PIBF1: variants seen among roughly 807,000 people sequenced by gnomAD.
PIBF1 encodes the protein progesterone-induced-blocking factor 1.
Under a neutral mutation model 112.5 loss-of-function variants are expected in PIBF1, and 90 were observed. The ratio of observed to expected loss-of-function variants is 0.80; its 90% CI spans 0.67 to 0.95. The LOEUF (loss-of-function observed/expected upper bound fraction) is 0.95, where lower values mean the gene tolerates loss of function less well. PIBF1 is among the 40% of genes least tolerant of loss of function. The probability of loss-of-function intolerance (pLI) is 0.00; values close to 1 mark genes in which losing one functional copy is unlikely to be tolerated. For missense variants in PIBF1, 915 were observed against 852.3 expected (o/e 1.07, Z -0.92); for synonymous variants, 301 against 288.6 (o/e 1.04, Z -0.44).
At chr13:72,786,559 T>C (rs924189978) in intron 2 of PIBF1, among the ~76,000 whole-genome samples, 5 of 152,332 alleles carry the variant, frequency 3.3e-5, no homozygotes, top group African/African-American at 9.6e-5. Context: ...CCAACTCTTA[T>C]GTAATTCTTT....
Position 72,949,300 on chromosome 13 carries a change from C to CTTTTTTTTTTTTTTTTTTTTTTTTTTT in PIBF1, c.1834-15967_1834-15941dup, listed in dbSNP as rs71099771. Among the ~76,000 whole-genome samples, 4 of 54,980 alleles carry CTTTTTTTTTTTTTTTTTTTTTTTTTTT rather than the reference C, an allele frequency of 7.3e-5. 1 individual carries two copies. The highest frequency in any genetic ancestry group is 1.4e-4 in the African/African-American group (2 of 13,996). 36.1% of individuals were successfully genotyped at this position (54,980 alleles called of 152,430 possible). A position where few individuals can be genotyped will look rare whatever the true frequency, so the allele number is the denominator to read the frequency against. On this transcript the variant is annotated intron_variant, in intron 14 of 17. Coordinates refer to ENST00000326291, the MANE Select transcript of PIBF1 (RefSeq NM_006346.4). ...AACTACTACCTAGACAAATAGCTGT[C>CTTTTTTTTTTTTTTTTTTTTTTTTTTT]TTTTTTTTTTTTTTTTTTTTTTTTT...
At chr13:72,956,820 T>G (rs2042458728) in intron 14 of PIBF1, among the ~76,000 whole-genome samples, 2 of 151,986 alleles carry the variant, frequency 1.3e-5, no homozygotes. Context: ...AAATTCTAGC[T>G]GGAAGAAAAA....
intron 5 of PIBF1, among the ~76,000 whole-genome samples, chr13:72,807,891 C>A (rs79993600): frequency 0.11 from 16,785 of 152,186 alleles, 1,258 homozygotes; most frequent in Non-Finnish European, 0.17. Flanking sequence ...CAGTAAATTT[C>A]TGCCATTAAC....
At position 73,012,590 on chromosome 13, in the gene PIBF1, AAAAC is replaced by A. The variant is rs1357905569; in HGVS notation, c.2224-3275_2224-3272del. 2.0e-5 allele frequency among the ~76,000 whole-genome samples: 3 copies of A among 151,738 alleles called. No individual in the cohort carries two copies. In the East Asian group the frequency reaches 5.8e-4, roughly 30 times the overall value. On this transcript the variant is annotated intron_variant, in intron 17 of 17. Transcript: ENST00000326291. The stretch of plus-strand genomic sequence containing the variant: ...ACACACACACCAAAAAAAACAAAAA[AAAAC>A]AAAAAAAACACTTAGCCAGGCACTG...
At chr13:73,000,863 G>C (rs1250748450) in intron 17 of PIBF1, among the ~76,000 whole-genome samples, 1 of 152,170 alleles carries the variant, frequency 6.6e-6, no homozygotes, top group Non-Finnish European at 1.5e-5. Flanking sequence ...GTTATGCAGT[G>C]ATGATAAAAT....
Position 72,967,770 on chromosome 13 carries a change from A to T in PIBF1, c.1964+2366A>T, listed in dbSNP as rs959469685. Among the ~76,000 whole-genome samples, 22 of 152,184 alleles carry T rather than the reference A, an allele frequency of 1.4e-4. 1 individual carries two copies. The highest frequency in any genetic ancestry group is 7.2e-4 in the Admixed American group (11 of 15,268). ...GAAATATTCTATAATAAAATTTTTT[A>T]AAAAACAGATTTTAAAAGGAAGTTT... is the stretch of plus-strand genomic sequence containing the variant. On this transcript the variant is annotated intron_variant, in intron 15 of 17. Transcript: ENST00000326291.
At chr13:73,001,079 A>G (rs1417386393) in intron 17 of PIBF1, among the ~76,000 whole-genome samples, 1 of 152,208 alleles carries the variant, frequency 6.6e-6, no homozygotes, top group African/African-American at 2.4e-5. Context: ...CTAATGCAGA[A>G]TTAGTAAGGT....
chr13:72,825,363 A>G (rs1022085288), intron 6 of PIBF1, among the ~76,000 whole-genome samples: 7 of 152,246 alleles, frequency 4.6e-5, no homozygotes, highest in African/African-American at 1.7e-4. Context: ...AAAGGGACCT[A>G]ATGTCTCAGT....
chr13:72,789,146 T>G (rs1240720870), intron 2 of PIBF1, among the ~76,000 whole-genome samples: 1 of 152,120 alleles, frequency 6.6e-6, no homozygotes, highest in Non-Finnish European at 1.5e-5. Flanking sequence ...CTAGATTCCC[T>G]TCCTTACTGT....
chr13:72,799,114 A>T (rs1352600826), intron 5 of PIBF1, among the ~76,000 whole-genome samples: 1 of 152,208 alleles, frequency 6.6e-6, no homozygotes, highest in African/African-American at 2.4e-5. Context: ...CTGTGTGACC[A>T]TGACCAGGTC....
intron 16 of PIBF1, among the ~76,000 whole-genome samples, chr13:72,987,336 A>G (rs1174406043): frequency 3.4e-4 from 46 of 134,228 alleles, no homozygotes; most frequent in African/African-American, 8.8e-4. Flanking sequence ...TTGAAACGGG[A>G]GTGTTTTGGT....
chr13:72,827,153 G>C, intron 7 of PIBF1, 35 bp downstream of exon 7: 1 of 1,057,850 alleles, frequency 9.5e-7, no homozygotes, highest in Non-Finnish European at 1.3e-6. Context: ...ATATTATATA[G>C]CATAGTATTA....
intron 2 of PIBF1, among the ~76,000 whole-genome samples, chr13:72,784,094 ATAAC>A (rs1410180425): frequency 1.3e-5 from 2 of 152,186 alleles, no homozygotes; most frequent in South Asian, 2.1e-4. Context: ...CATTACTAAA[ATAAC>A]TATGTGAGGT....
chr13:72,915,871 G>A (rs140877507), intron 12 of PIBF1, among the ~76,000 whole-genome samples: 12 of 152,292 alleles, frequency 7.9e-5, no homozygotes, highest in East Asian at 3.9e-4. Context: ...ACATTGATAG[G>A]CATGCAGAAG....
chr13:72,896,460 T>C (rs2040284779), intron 11 of PIBF1, among the ~76,000 whole-genome samples: 1 of 151,874 alleles, frequency 6.6e-6, no homozygotes, highest in African/African-American at 2.4e-5. Context: ...AAATCCCTAA[T>C]TTACCTGAAA....
intron 13 of PIBF1, among the ~76,000 whole-genome samples, chr13:72,925,547 T>C (rs2041452230): frequency 2.1e-5 from 3 of 141,088 alleles, no homozygotes. Flanking sequence ...TCTCTCTTTT[T>C]TTTTTTTTTT....
At chr13:72,897,821 A>G (rs2040338740) in intron 11 of PIBF1, among the ~76,000 whole-genome samples, 1 of 152,248 alleles carries the variant, frequency 6.6e-6, no homozygotes, top group South Asian at 2.1e-4. Flanking sequence ...AATAGACCTA[A>G]GAAATGAGAT....
At chr13:72,827,236 A>G (rs1453345480) in intron 7 of PIBF1, 118 bp downstream of exon 7, 1 of 389,012 alleles carries the variant, frequency 2.6e-6, no homozygotes, top group Non-Finnish European at 4.5e-6. Flanking sequence ...CCAAAAAGAT[A>G]AATTTTTTTT....
chr13:72,915,555 C>G (rs1278884309), intron 12 of PIBF1, among the ~76,000 whole-genome samples: 2 of 152,194 alleles, frequency 1.3e-5, no homozygotes, highest in Non-Finnish European at 2.9e-5. Context: ...ATTTACCCCT[C>G]TCTCCTCTGA....
Sources: allele counts gnomAD v4.1 joint callset (sites outside exome capture counted in the v4.1 genomes callset), GRCh38; gene constraint gnomAD v4.1.1; transcripts MANE v1.5; gene names NCBI Gene and HGNC (gene_info 2026-07-23, HGNC 2026-07-21).